Variants in SPECC1L observed in about 807,000 individuals in gnomAD.
The protein encoded by SPECC1L is sperm antigen with calponin homology and coiled-coil domains 1 like.
In SPECC1L, 40 loss-of-function variants were observed where a neutral mutation model predicts 116.8. The ratio of observed to expected loss-of-function variants is 0.34; its 90% CI spans 0.27 to 0.45. The LOEUF (loss-of-function observed/expected upper bound fraction) is 0.45, where lower values mean the gene tolerates loss of function less well. Ranked by LOEUF, SPECC1L falls within the 20% of genes least tolerant of loss-of-function variation. The pLI is 1.00. For synonymous variants in SPECC1L, 504 were observed against 500.6 expected (o/e 1.01, Z -0.09); for missense variants, 1,110 against 1,373.6 (o/e 0.81, Z 3.03).
intron 6 of SPECC1L, among the ~76,000 whole-genome samples, chr22:24,327,315 C>T (rs1213129362): frequency 7.2e-6 from 1 of 138,720 alleles, no homozygotes; most frequent in Non-Finnish European, 1.6e-5. Context: ...TCAGAACACA[C>T]ATATACCAAC....
At chr22:24,289,619 T>G (rs2049118778) in intron 2 of SPECC1L, among the ~76,000 whole-genome samples, 1 of 152,132 alleles carries the variant, frequency 6.6e-6, no homozygotes, top group South Asian at 2.1e-4. Flanking sequence ...TGAGTGAGCT[T>G]TTCGTTGGCC....
chr22:24,400,259 C>A (rs1461146072), intron 14 of SPECC1L, among the ~76,000 whole-genome samples: 1 of 152,224 alleles, frequency 6.6e-6, no homozygotes, highest in African/African-American at 2.4e-5. Context: ...CACTTGGCAA[C>A]CACTCGTCTA....
rs910652510 is a variant in SPECC1L, at chr22:24,302,060, AT to A, written c.-37-127del. 409 of 669,642 alleles carry A rather than the reference AT, an allele frequency of 6.1e-4. 1 individual carries two copies. The highest frequency in any genetic ancestry group is 1.2e-3 in the African/African-American group (65 of 52,146). The allele number at this position is 669,642 out of a possible 1,614,324, so 41.5% of individuals were successfully genotyped here. On this transcript the variant is annotated intron_variant, in intron 2 of 16. Coordinates refer to ENST00000314328, the MANE Select transcript of SPECC1L (RefSeq NM_015330.6). ...GACTCCGTCTCAAAAAAAAAAAAAA[AT>A]TTTTTTTCAACTTTTCTGTAGTGAC... is the stretch of plus-strand genomic sequence containing the variant.
At chr22:24,377,934 T>TA (rs2042000556) in intron 14 of SPECC1L, among the ~76,000 whole-genome samples, 1 of 152,248 alleles carries the variant, frequency 6.6e-6, no homozygotes, top group Non-Finnish European at 1.5e-5. Context: ...GGCTTCCACT[T>TA]AAAGTCACCA....
chr22:24,297,979 TCTC>T (rs1601514714), intron 2 of SPECC1L, among the ~76,000 whole-genome samples: 1 of 152,302 alleles, frequency 6.6e-6, no homozygotes, highest in East Asian at 1.9e-4. Flanking sequence ...TTGTTGTTAA[TCTC>T]CTACTGTGCC....
intron 14 of SPECC1L, among the ~76,000 whole-genome samples, chr22:24,381,839 G>A (rs1045491889): frequency 2.0e-5 from 3 of 152,110 alleles, no homozygotes; most frequent in South Asian, 2.1e-4. Context: ...AGCCAAGATC[G>A]CACCACTGCA....
intron 3 of SPECC1L, among the ~76,000 whole-genome samples, chr22:24,306,719 C>T (rs2146420629): frequency 6.6e-6 from 1 of 152,272 alleles, no homozygotes; most frequent in South Asian, 2.1e-4. Flanking sequence ...AATACATTCA[C>T]ATTGTTGTGC....
intron 2 of SPECC1L, 52 bp downstream of exon 2, chr22:24,276,855 C>T (rs2048847748): frequency 2.3e-6 from 1 of 430,048 alleles, no homozygotes; most frequent in South Asian, 1.6e-5. Context: ...AATATATTCT[C>T]TTGCTTACAA....
At chr22:24,343,235 T>C (rs1420286467) in intron 10 of SPECC1L, among the ~76,000 whole-genome samples, 1 of 151,912 alleles carries the variant, frequency 6.6e-6, no homozygotes, top group African/African-American at 2.4e-5. Context: ...CCAAAATCCA[T>C]CCAAATTTGA....
intron 2 of SPECC1L, among the ~76,000 whole-genome samples, chr22:24,287,151 G>A (rs1379818726): frequency 1.3e-5 from 2 of 152,204 alleles, no homozygotes; most frequent in South Asian, 2.1e-4. Flanking sequence ...GAGGAAAGTG[G>A]TAAGGGGTTT....
At chr22:24,338,611 C>A in intron 10 of SPECC1L, 134 bp downstream of exon 10, 1 of 695,016 alleles carries the variant, frequency 1.4e-6, no homozygotes. Context: ...GAATTTGTTT[C>A]CTAAAATACT....
chr22:24,339,119 T>C (rs1482393254), intron 10 of SPECC1L, among the ~76,000 whole-genome samples: 1 of 152,122 alleles, frequency 6.6e-6, no homozygotes, highest in Non-Finnish European at 1.5e-5. Flanking sequence ...ACAGAGAAGG[T>C]GGGATGGGGC....
chr22:24,277,271 TCCGGTACCCTATCA>T (rs1157991697), intron 2 of SPECC1L, among the ~76,000 whole-genome samples: 3 of 152,232 alleles, frequency 2.0e-5, no homozygotes, highest in Non-Finnish European at 4.4e-5. Context: ...TCTCCCAGTC[TCCGGTACCCTATCA>T]CCAAGGTTGT....
rs1488640400 is a variant in SPECC1L at position 24,321,612 on chromosome 22, C to T, written c.632C>T (p.Ala211Val). ...HLRNELRDMRAQLGINEDHSE... is the reference protein window; with the variant it reads ...HLRNELRDMRVQLGINEDHSE... ...AGAAATGAACTGCGAGACATGCGTG[C>T]CCAGCTGGGCATTAATGAGGATCAT... Residue 211 changes from alanine (A) to valine (V), a missense_variant, in exon 5 of 17, where the codon GCC becomes GTC. By Grantham distance (64) the Ala-to-Val change is moderately conservative (BLOSUM62 0). Around this residue, in one of 4 missense-constraint regions of SPECC1L, gnomAD observed 437 missense variants for 482.6 expected, o/e 0.91. Transcript: ENST00000314328. 6.2e-7 allele frequency: 1 copy of T among 1,614,192 alleles called. No individual in the cohort carries two copies. Among genetic ancestry groups the T allele is most frequent in the Admixed American group, 1.7e-5 (1 of 60,030 alleles).
chr22:24,383,792 A>ATTTTTT lies in SPECC1L; in HGVS notation c.3087+14507_3087+14512dup, dbSNP rs538972717. 1.0e-3 allele frequency among the ~76,000 whole-genome samples: 81 copies of ATTTTTT among 77,314 alleles called. 7 individuals carry two copies. The highest frequency in any genetic ancestry group is 1.4e-3 in the African/African-American group (22 of 15,326). The allele number at this position is 77,314 out of a possible 152,430, so 50.7% of individuals were successfully genotyped here. ...GCTGGGATTACAGGCACCCACCACT[A>ATTTTTT]TTTTTTTTTTTTTTTTTTTTTTTTT... On this transcript the variant is annotated intron_variant, in intron 14 of 16. Transcript: ENST00000314328.
chr22:24,359,056 C>T (rs1011629673), intron 11 of SPECC1L, among the ~76,000 whole-genome samples: 3 of 152,110 alleles, frequency 2.0e-5, no homozygotes, highest in Admixed American at 6.5e-5. Flanking sequence ...TCTTTACCGG[C>T]GAGCTCCTTT....
chr22:24,390,706 A>C lies in SPECC1L; in HGVS notation c.3088-20882A>C, dbSNP rs148323962. Reference sequence around the variant, plus strand: ...AGTTCTCCACAGTGAAGCAATAAAAACTCCTGGAGTCTAATCATTTTCTGT... The same window carrying C: ...AGTTCTCCACAGTGAAGCAATAAAACCTCCTGGAGTCTAATCATTTTCTGT... On this transcript the variant is annotated intron_variant, in intron 14 of 16. Coordinates refer to ENST00000314328, the MANE Select transcript of SPECC1L (RefSeq NM_015330.6). Among the ~76,000 whole-genome samples the C allele has an allele frequency of 9.3e-5, 14 of 151,022 alleles. No homozygotes were observed. In the East Asian group the frequency reaches 2.7e-3, roughly 29 times the overall value.
intron 14 of SPECC1L, among the ~76,000 whole-genome samples, chr22:24,380,691 A>G (rs555741327): frequency 1.2e-4 from 19 of 152,298 alleles, no homozygotes; most frequent in African/African-American, 4.6e-4. Flanking sequence ...AAGCTTTAGA[A>G]TAGTAGAATA....
chr22:24,302,334 T>C lies in SPECC1L; in HGVS notation c.103T>C (p.Ser35Pro). 1 of 1,614,202 alleles carries C rather than the reference T, an allele frequency of 6.2e-7. No individual in the cohort carries two copies. Among genetic ancestry groups the C allele is most frequent in the Non-Finnish European group, 8.5e-7 (1 of 1,180,026 alleles). Residue 35 changes from serine to proline, a missense_variant, in exon 3 of 17, where the codon TCT becomes CCT. Ser to Pro is a moderately conservative substitution (Grantham distance 74). Around this residue, in one of 4 missense-constraint regions of SPECC1L, gnomAD observed 437 missense variants for 482.6 expected, o/e 0.91. Coordinates refer to ENST00000314328, the MANE Select transcript of SPECC1L (RefSeq NM_015330.6). ...KIKPENSSSA[S>P]TGGKLVKPGT... ...TAAACCTGAAAACAGCTCTTCAGCA[T>C]CTACGGGAGGCAAACTTGTAAAACC...
Sources: gnomAD v4.1 joint callset for allele counts (sites outside exome capture counted in the v4.1 genomes callset) on GRCh38, gnomAD v4.1.1 for gene constraint, gnomAD v4.1.1 regional missense constraint, MANE v1.5 for transcripts, NCBI Gene and HGNC (gene_info 2026-07-23, HGNC 2026-07-21) for gene names.